ZNF385D: variants seen among roughly 807,000 people sequenced by gnomAD.
The protein encoded by ZNF385D is zinc finger protein 385D.
ZNF385D carries 15 observed loss-of-function variants against 35.8 expected under a neutral mutation model. The ratio of observed to expected loss-of-function variants is 0.42; its 90% confidence interval spans 0.28 to 0.64. The LOEUF (loss-of-function observed/expected upper bound fraction) is 0.64. Among genes scored for constraint, ZNF385D ranks in the 30% least tolerant of loss-of-function variants. The pLI is 0.23. For synonymous variants in ZNF385D, 212 were observed against 186.8 expected, an observed-to-expected ratio of 1.13 and a Z score of -1.10; for missense variants, 474 against 494.6, an observed-to-expected ratio of 0.96 and a Z score of 0.39.
chr3:21,436,354 T>A (rs1344830744), intron 5 of ZNF385D, among the ~76,000 whole-genome samples: 1 of 152,176 alleles, frequency 6.6e-6, no homozygotes, highest in East Asian at 1.9e-4. Flanking sequence ...GTCACTTAAT[T>A]GGTTATGTTC....
chr3:21,583,951 C>CTTACTTAT (rs1553617403), intron 2 of ZNF385D, among the ~76,000 whole-genome samples: 23 of 132,928 alleles, frequency 1.7e-4, no homozygotes, highest in African/African-American at 4.0e-4. Context: ...ATTTATTTTA[C>CTTACTTAT]TTATTTACTT....
chr3:22,040,760 A>G (rs1698614969), intron 3 of ZNF385D, among the ~76,000 whole-genome samples: 1 of 152,166 alleles, frequency 6.6e-6, no homozygotes, highest in Non-Finnish European at 1.5e-5. Context: ...GCTAGGATAG[A>G]AGGCTGATAG....
intron 2 of ZNF385D, among the ~76,000 whole-genome samples, chr3:21,610,144 CA>C (rs10663615): frequency 8.7e-5 from 13 of 149,102 alleles, no homozygotes; most frequent in Admixed American, 3.3e-4. Context: ...TCGCATCTAC[CA>C]AAAAAAAAAT....
intron 3 of ZNF385D, among the ~76,000 whole-genome samples, chr3:22,028,524 G>T (rs1479989406): frequency 6.6e-6 from 1 of 152,156 alleles, no homozygotes; most frequent in Non-Finnish European, 1.5e-5. Context: ...GCTACCTGGT[G>T]GCAGGTTGAT....
rs74552325 is a variant in ZNF385D, at chr3:22,172,170, G to C, written c.107-3135C>G. ...ACCCCTCAGAACCATTAAGACACTGGAAAGATGTCTGGCTTAATACAGTAA... is the reference window on the plus strand; with the variant it reads ...ACCCCTCAGAACCATTAAGACACTGCAAAGATGTCTGGCTTAATACAGTAA... On this transcript the variant is annotated intron_variant, in intron 2 of 5. Transcript: ENST00000494108. Among the ~76,000 whole-genome samples the C allele has an allele frequency of 5.6e-3, 847 of 152,218 alleles. 14 individuals are homozygous for C. Among genetic ancestry groups the C allele is most frequent in the African/African-American group, 0.019 (794 of 41,520 alleles).
At chr3:22,199,011 A>G (rs530084351) in intron 2 of ZNF385D, among the ~76,000 whole-genome samples, 1 of 152,124 alleles carries the variant, frequency 6.6e-6, no homozygotes, top group Non-Finnish European at 1.5e-5. Context: ...AATAAGTCTC[A>G]TGATTATTGA....
At chr3:22,227,200 G>A (rs897528162) in intron 2 of ZNF385D, among the ~76,000 whole-genome samples, 1 of 151,968 alleles carries the variant, frequency 6.6e-6, no homozygotes, top group African/African-American at 2.4e-5. Context: ...GGGGGTGTAG[G>A]TGCTTGTCAT....
At chr3:21,925,570 G>T (rs558896879) in intron 3 of ZNF385D, among the ~76,000 whole-genome samples, 1 of 152,190 alleles carries the variant, frequency 6.6e-6, no homozygotes, top group South Asian at 2.1e-4. Context: ...ACTAGTCAGA[G>T]TTCTTGAGAC....
At chr3:21,927,347 T>A (rs1159444790) in intron 3 of ZNF385D, among the ~76,000 whole-genome samples, 1 of 152,178 alleles carries the variant, frequency 6.6e-6, no homozygotes, top group Non-Finnish European at 1.5e-5. Flanking sequence ...AAGAAAATCG[T>A]GCATTGCAAT....
chr3:22,358,431 G>A (rs1405832584), intron 2 of ZNF385D, among the ~76,000 whole-genome samples: 1 of 151,816 alleles, frequency 6.6e-6, no homozygotes, highest in Non-Finnish European at 1.5e-5. Flanking sequence ...GTTGCATTCT[G>A]CATTCAAGTA....
At chr3:22,163,195 T>C (rs1254759108) in intron 3 of ZNF385D, among the ~76,000 whole-genome samples, 1 of 152,160 alleles carries the variant, frequency 6.6e-6, no homozygotes, top group African/African-American at 2.4e-5. Flanking sequence ...TGGAGGAATT[T>C]AGCAGGCAAA....
At chr3:22,031,952 C>A (rs1237432328) in intron 3 of ZNF385D, among the ~76,000 whole-genome samples, 1 of 152,128 alleles carries the variant, frequency 6.6e-6, no homozygotes, top group Admixed American at 6.5e-5. Flanking sequence ...TTACCAGATA[C>A]CCTAAGTCAT....
At chr3:21,565,986 A>T (rs535969145) in intron 2 of ZNF385D, among the ~76,000 whole-genome samples, 83 of 152,332 alleles carry the variant, frequency 5.4e-4, no homozygotes, top group African/African-American at 2.0e-3. Flanking sequence ...GAATCAGTTA[A>T]TTCACAGGCT....
At chr3:22,195,221 T>C (rs1483130721) in intron 2 of ZNF385D, among the ~76,000 whole-genome samples, 1 of 151,982 alleles carries the variant, frequency 6.6e-6, no homozygotes, top group Non-Finnish European at 1.5e-5. Context: ...CCTTAATGAC[T>C]AATGATATTG....
intron 2 of ZNF385D, among the ~76,000 whole-genome samples, chr3:22,325,744 C>A (rs776466059): frequency 4.6e-5 from 7 of 151,954 alleles, no homozygotes; most frequent in Admixed American, 3.9e-4. Context: ...GCCAACAGAG[C>A]GAGACTCTGT....
At chr3:21,428,615 C>T (rs1701134715) in intron 5 of ZNF385D, among the ~76,000 whole-genome samples, 1 of 151,998 alleles carries the variant, frequency 6.6e-6, no homozygotes, top group African/African-American at 2.4e-5. Context: ...AGCAGAGTGC[C>T]ACGAATGGTG....
chr3:21,608,581 T>C (rs933176290), intron 2 of ZNF385D, among the ~76,000 whole-genome samples: 36 of 152,352 alleles, frequency 2.4e-4, no homozygotes, highest in African/African-American at 7.9e-4. Context: ...AAACAGTTGC[T>C]ATGAAAATAA....
At chr3:21,847,449 G>T (rs867690228) in intron 3 of ZNF385D, among the ~76,000 whole-genome samples, 1 of 152,036 alleles carries the variant, frequency 6.6e-6, no homozygotes, top group African/African-American at 2.4e-5. Flanking sequence ...CTATGTTTTT[G>T]ATAGGAACAA....
intron 3 of ZNF385D, among the ~76,000 whole-genome samples, chr3:22,108,794 C>A (rs1356160826): frequency 6.6e-6 from 1 of 152,134 alleles, no homozygotes; most frequent in Non-Finnish European, 1.5e-5. Flanking sequence ...GGGTGGATCA[C>A]TTGAGGTCAT....
Sources: gnomAD v4.1 joint callset for allele counts (sites outside exome capture counted in the v4.1 genomes callset) on GRCh38, gnomAD v4.1.1 for gene constraint, MANE v1.5 for transcripts, NCBI Gene and HGNC (gene_info 2026-07-23, HGNC 2026-07-21) for gene names.